BRAF: variants seen among roughly 807,000 people sequenced by gnomAD.
BRAF encodes B-Raf proto-oncogene, serine/threonine kinase.
BRAF carries 16 observed loss-of-function variants against 104.6 expected under a neutral mutation model. The ratio of observed to expected loss-of-function variants is 0.15; its 90% CI spans 0.10 to 0.23. The LOEUF (loss-of-function observed/expected upper bound fraction) is 0.23. Among genes scored for constraint, BRAF ranks in the 10% least tolerant of loss-of-function variants. BRAF has a pLI of 1.00. For missense variants in BRAF, 541 were observed against 937.3 expected (o/e 0.58, Z 5.52); for synonymous variants, 310 against 341.6 (o/e 0.91, Z 1.02).
intron 1 of BRAF, among the ~76,000 whole-genome samples, chr7:140,865,906 T>C (rs550618351): frequency 6.6e-6 from 1 of 152,308 alleles, no homozygotes; most frequent in South Asian, 2.1e-4. Flanking sequence ...CATTTTTTTC[T>C]GGCTAATTAA....
chr7:140,831,618 C>T (rs1016221144), intron 3 of BRAF, among the ~76,000 whole-genome samples: 5 of 152,152 alleles, frequency 3.3e-5, no homozygotes, highest in African/African-American at 1.2e-4. Context: ...TCTCTATGGA[C>T]ATGTGCAATG....
At chr7:140,814,717 TATAATTTATATATAAC>T (rs1804641229) in intron 3 of BRAF, among the ~76,000 whole-genome samples, 1 of 146,574 alleles carries the variant, frequency 6.8e-6, no homozygotes, top group South Asian at 2.1e-4. Flanking sequence ...ATATAATGTA[TATAATTTATATATAAC>T]ATAATTTATA....
intron 9 of BRAF, among the ~76,000 whole-genome samples, chr7:140,787,097 C>A (rs1010491882): frequency 6.6e-6 from 1 of 151,716 alleles, no homozygotes; most frequent in African/African-American, 2.4e-5. Context: ...GTCAGGAGAT[C>A]GAGACCATCC....
intron 2 of BRAF, 189 bp from the exon 3 acceptor site, chr7:140,835,061 T>A: frequency 1.5e-6 from 1 of 649,452 alleles, no homozygotes; most frequent in East Asian, 2.8e-5. Flanking sequence ...AATTCTTTGT[T>A]ATTAGACACT....
chr7:140,751,795 C>T (rs1797813682), intron 16 of BRAF, among the ~76,000 whole-genome samples: 3 of 152,166 alleles, frequency 2.0e-5, no homozygotes, highest in Admixed American at 2.0e-4. Flanking sequence ...CTTGGACTTC[C>T]CTTTCTGGAG....
At chr7:140,776,522 T>G (rs965853899) in intron 14 of BRAF, among the ~76,000 whole-genome samples, 1 of 152,202 alleles carries the variant, frequency 6.6e-6, no homozygotes, top group Non-Finnish European at 1.5e-5. Flanking sequence ...CTGACCATTT[T>G]GCAACCAAAA....
At chr7:140,855,564 A>C (rs1238131897) in intron 1 of BRAF, among the ~76,000 whole-genome samples, 1 of 150,814 alleles carries the variant, frequency 6.6e-6, no homozygotes, top group Non-Finnish European at 1.5e-5. Flanking sequence ...CAAAAAAAAA[A>C]CTACAGCCAT....
chr7:140,779,237 ATTTAATTTT>A (rs1263200318), intron 12 of BRAF, among the ~76,000 whole-genome samples: 1 of 152,058 alleles, frequency 6.6e-6, no homozygotes, highest in African/African-American at 2.4e-5. Context: ...TGTTCTGTTT[ATTTAATTTT>A]TTTAGAGACA....
At chr7:140,742,884 C>A (rs929178393) in intron 17 of BRAF, among the ~76,000 whole-genome samples, 6 of 150,690 alleles carry the variant, frequency 4.0e-5, no homozygotes, top group African/African-American at 1.5e-4. Context: ...AAGAAAAAAA[C>A]AAACAACCCC....
intron 1 of BRAF, among the ~76,000 whole-genome samples, chr7:140,872,813 T>A (rs1457672444): frequency 6.6e-6 from 1 of 151,954 alleles, no homozygotes; most frequent in African/African-American, 2.4e-5. Flanking sequence ...TGGTGAGCCA[T>A]GATTGTACCA....
Position 140,720,444 on chromosome 7 carries a change from T to C in BRAF, c.*6050A>G. The C allele has an allele frequency of 9.4e-7, 1 of 1,063,106 alleles. No homozygotes were observed. 65.9% of individuals were successfully genotyped at this position (1,063,106 alleles called of 1,614,324 possible). On this transcript the variant is annotated 3_prime_UTR_variant, in exon 20 of 20. Transcript: ENST00000644969. ...AAGACATAAAGGCTAGCCACTTACG[T>C]TGGTCATTAACATGAATAAAAAGGC...
chr7:140,862,679 A>G (rs1810545664), intron 1 of BRAF, among the ~76,000 whole-genome samples: 1 of 152,174 alleles, frequency 6.6e-6, no homozygotes, highest in Non-Finnish European at 1.5e-5. Flanking sequence ...TGAAGACGGA[A>G]AGTAGATTAC....
intron 1 of BRAF, among the ~76,000 whole-genome samples, chr7:140,917,345 G>A (rs1385460112): frequency 6.6e-6 from 1 of 152,208 alleles, no homozygotes; most frequent in Non-Finnish European, 1.5e-5. Flanking sequence ...ACAGGTGTGA[G>A]CCACCATGCC....
At chr7:140,793,313 T>C (rs1269177938) in intron 8 of BRAF, among the ~76,000 whole-genome samples, 1 of 152,180 alleles carries the variant, frequency 6.6e-6, no homozygotes, top group East Asian at 1.9e-4. Context: ...TATCACATTC[T>C]CCTTTTCCCC....
At chr7:140,885,710 T>C (rs1813489509) in intron 1 of BRAF, among the ~76,000 whole-genome samples, 1 of 152,226 alleles carries the variant, frequency 6.6e-6, no homozygotes, top group Non-Finnish European at 1.5e-5. Context: ...CATAGACATC[T>C]GTTGAATAAT....
At chr7:140,736,730 G>T (rs1022116069) in intron 18 of BRAF, among the ~76,000 whole-genome samples, 1 of 150,076 alleles carries the variant, frequency 6.7e-6, no homozygotes, top group African/African-American at 2.4e-5. Context: ...CCTGGCCTCT[G>T]TTTAACCTTT....
At chr7:140,783,339 T>C in intron 10 of BRAF, 182 bp from the exon 10 acceptor site, 1 of 684,912 alleles carries the variant, frequency 1.5e-6, no homozygotes. Context: ...TATAATTTCT[T>C]TTAGTTTTCT....
intron 1 of BRAF, among the ~76,000 whole-genome samples, chr7:140,912,596 A>G (rs1247025579): frequency 6.6e-6 from 1 of 152,040 alleles, no homozygotes; most frequent in Non-Finnish European, 1.5e-5. Flanking sequence ...TTTCCTCACT[A>G]GCTCTGGCCC....
chr7:140,783,956 C>T (rs1801119038), intron 10 of BRAF, among the ~76,000 whole-genome samples: 1 of 152,170 alleles, frequency 6.6e-6, no homozygotes, highest in Non-Finnish European at 1.5e-5. Flanking sequence ...TGGAAGTGAT[C>T]TCTGTTGGCA....
Sources: allele counts gnomAD v4.1 joint callset (sites outside exome capture counted in the v4.1 genomes callset), GRCh38; gene constraint gnomAD v4.1.1; transcripts MANE v1.5; gene names NCBI Gene and HGNC (gene_info 2026-07-23, HGNC 2026-07-21).